The following IPO4 variants were observed in gnomAD, a reference collection of about 807,000 sequenced individuals.
IPO4 encodes the protein importin 4.
A neutral mutation model predicts 133.5 loss-of-function variants in IPO4; 91 were observed. The observed-to-expected ratio is 0.68, with a 90% CI of 0.58 to 0.81. IPO4 has a LOEUF of 0.81. IPO4 is among the 30% of genes least tolerant of loss of function. The pLI is 0.00. For missense variants in IPO4, 1,279 were observed against 1,386.2 expected, an observed-to-expected ratio of 0.92 and a Z score of 1.23; for synonymous variants, 607 against 581.6, an observed-to-expected ratio of 1.04 and a Z score of -0.63.
Position 24,182,181 on chromosome 14 carries a change from G to A in IPO4, c.2599-18C>T. 1 of 1,614,122 alleles carries A rather than the reference G, an allele frequency of 6.2e-7. No homozygotes were observed. Among genetic ancestry groups the A allele is most frequent in the Non-Finnish European group, 8.5e-7 (1 of 1,180,002 alleles). On this transcript the variant is annotated intron_variant, in intron 25 of 29. Coordinates refer to ENST00000354464, the MANE Select transcript of IPO4 (RefSeq NM_024658.4). Reference sequence around the variant, plus strand: ...CCCTGTTTCTGATGGGGGAGAACAGGAAGGAGTACAGATCAGCCTGGGCCA... The same window carrying A: ...CCCTGTTTCTGATGGGGGAGAACAGAAAGGAGTACAGATCAGCCTGGGCCA...
rs770983034 is a variant in IPO4, at chr14:24,183,347, G to A, written c.2130C>T (p.His710=). The change falls in exon 22 of 30, where the codon CAC becomes CAT. Residue 710 remains histidine (H), a synonymous_variant. Transcript: ENST00000354464. ...CATGGGCTGCCTTCCGCACATTCAGGTGAGGGCACTGCAGGATGAGGAGGG... is the reference window on the plus strand; with the variant it reads ...CATGGGCTGCCTTCCGCACATTCAGATGAGGGCACTGCAGGATGAGGAGGG... ...EEVFKLLECP[H]LNVRKAAHEA... 2.5e-6 allele frequency: 4 copies of A among 1,609,956 alleles called. No homozygotes were observed. Among genetic ancestry groups the A allele is most frequent in the Non-Finnish European group, 3.4e-6 (4 of 1,177,954 alleles).
chr14:24,186,077 G>A, intron 11 of IPO4, 52 bp downstream of exon 11: 2 of 1,607,048 alleles, frequency 1.2e-6, no homozygotes, highest in Non-Finnish European at 8.5e-7. Flanking sequence ...GGCCTCAGGG[G>A]GACTAGGCAC....
At position 24,185,989 on chromosome 14, in the gene IPO4, C is replaced by T. The variant is rs370952382; in HGVS notation, c.1060-19G>A. 1.7e-5 allele frequency: 28 copies of T among 1,607,716 alleles called. No homozygotes were observed. The highest frequency in any genetic ancestry group is 1.7e-4 in the Middle Eastern group (1 of 6,014). Reference sequence around the variant, plus strand: ...TGGGCATCTAGGGAAGCATGTGGCACGCTTCTGAAACCCCAGCAAGAGCCT... The same window carrying T: ...TGGGCATCTAGGGAAGCATGTGGCATGCTTCTGAAACCCCAGCAAGAGCCT... On this transcript the variant is annotated intron_variant, in intron 11 of 29. Coordinates refer to ENST00000354464, the MANE Select transcript of IPO4 (RefSeq NM_024658.4).
At position 24,181,845 on chromosome 14, in the gene IPO4, T is replaced by G. The variant is rs769189381; in HGVS notation, c.2808-2A>C. 6.3e-7 allele frequency: 1 copy of G among 1,597,368 alleles called. No individual in the cohort carries two copies. Among genetic ancestry groups the G allele is most frequent in the Non-Finnish European group, 8.5e-7 (1 of 1,169,840 alleles). ...AGCCCCAGCAGCTTGGGGAAGTGTCTGGTCCACAGTCAAGGAATGGCCACA... is the reference window on the plus strand; with the variant it reads ...AGCCCCAGCAGCTTGGGGAAGTGTCGGGTCCACAGTCAAGGAATGGCCACA... On this transcript the variant is annotated splice_acceptor_variant, in intron 26 of 29. Coordinates refer to ENST00000354464, the MANE Select transcript of IPO4 (RefSeq NM_024658.4). LOFTEE classifies it high-confidence loss of function.
At position 24,186,917 on chromosome 14, in the gene IPO4, G is replaced by A; in HGVS notation, c.717C>T (p.Ile239=). ...DELLESEVPV[I]TPYLSEVLTF... ...TGAGGACTTCAGAGAGGTAGGGGGT[G>A]ATGACCGGCACCTCTGACTCCAACA... The change falls in exon 8 of 30, where the codon ATC becomes ATT. Residue 239 remains isoleucine, a synonymous_variant. Transcript: ENST00000354464. 6.2e-7 allele frequency: 1 copy of A among 1,614,156 alleles called. No individual in the cohort carries two copies. The highest frequency in any genetic ancestry group is 8.5e-7 in the Non-Finnish European group (1 of 1,180,018).
At position 24,186,290 on chromosome 14, in the gene IPO4, T is replaced by C; in HGVS notation, c.1002A>G (p.Val334=). Residue 334 remains valine (V), a synonymous_variant, in exon 10 of 30, where the codon GTA becomes GTG. Transcript: ENST00000354464. The stretch of plus-strand genomic sequence containing the variant: ...TCTGTCCTGCCCCACATCTCACTTG[T>C]ACAGCGAAATGCTTGGGAGTCTCCC... The part of the protein sequence containing the change: ...LMGETPKHFA[V]QVVDMLALHL... 6.2e-7 allele frequency: 1 copy of C among 1,605,936 alleles called. No homozygotes were observed. The highest frequency in any genetic ancestry group is 8.5e-7 in the Non-Finnish European group (1 of 1,174,862).
In IPO4 at chr14:24,187,385, G is replaced by A. The variant is rs369315150; in HGVS notation, c.588+15C>T. 19 of 1,611,878 alleles carry A rather than the reference G, an allele frequency of 1.2e-5. No homozygotes were observed. Among genetic ancestry groups the A allele is most frequent in the African/African-American group, 1.1e-4 (8 of 74,838 alleles). The stretch of plus-strand genomic sequence containing the variant: ...GAGGAAAGGGAGTCAAAGATAACGA[G>A]GGCCCACATCTCACCACATCTTCAG... On this transcript the variant is annotated intron_variant, in intron 6 of 29. Coordinates refer to ENST00000354464, the MANE Select transcript of IPO4 (RefSeq NM_024658.4).
intron 25 of IPO4, 40 bp downstream of exon 25, chr14:24,182,238 C>A: frequency 1.9e-6 from 3 of 1,613,862 alleles, no homozygotes; most frequent in Non-Finnish European, 2.5e-6. Context: ...ACCGGGTGCA[C>A]GAGGGGACTA....
At position 24,185,279 on chromosome 14, in the gene IPO4, G is replaced by A. The variant is rs750348071; in HGVS notation, c.1312C>T (p.Pro438Ser). The A allele has an allele frequency of 1.2e-6, 2 of 1,614,156 alleles. No individual in the cohort carries two copies. Among genetic ancestry groups the A allele is most frequent in the Non-Finnish European group, 1.7e-6 (2 of 1,180,010 alleles). Residue 438 changes from proline to serine, a missense_variant, in exon 14 of 30, where the codon CCA becomes TCA. By Grantham distance (74) the Pro-to-Ser change is moderately conservative. Around this residue, in one of 3 missense-constraint regions of IPO4, gnomAD observed 695 missense variants for 704.1 expected, o/e 0.99. Transcript: ENST00000354464. ...GACTTCAAGTAGGCGAGGAGCAGTG[G>A]CATTACCTCCCTTGAATAGCTGCTG... ...HISSYSREVM[P>S]LLLAYLKSVP...
chr14:24,184,854 C>T lies in IPO4; in HGVS notation c.1522+13G>A, dbSNP rs2039196582. On this transcript the variant is annotated intron_variant, in intron 15 of 29. Transcript: ENST00000354464. ...GTGAACCCCACATCCCTGCCTCCTG[C>T]CTCTCTCCTCACCAATGGCTCCCAG... 1.2e-6 allele frequency: 2 copies of T among 1,612,218 alleles called. No homozygotes were observed. The highest frequency in any genetic ancestry group is 2.2e-5 in the East Asian group (1 of 44,874).
In IPO4 at chr14:24,184,635, GA is replaced by G. The variant is rs563143824; in HGVS notation, c.1636+14del. 4.9e-5 allele frequency: 76 copies of G among 1,562,588 alleles called. No individual in the cohort carries two copies. The East Asian group carries it at 1.7e-3, about 34-fold the overall frequency. On this transcript the variant is annotated intron_variant, in intron 16 of 29. Coordinates refer to ENST00000354464, the MANE Select transcript of IPO4 (RefSeq NM_024658.4). Reference sequence around the variant, plus strand: ...TGCTGGCACTGGGAGCCCCACCTGGGAACCTCTCACTCACCCAGGCTCTGGA... The same window carrying G: ...TGCTGGCACTGGGAGCCCCACCTGGGACCTCTCACTCACCCAGGCTCTGGA...
chr14:24,181,661 C>T (rs1284103210), intron 27 of IPO4, 44 bp from the exon 28 acceptor site: 1 of 1,613,112 alleles, frequency 6.2e-7, no homozygotes, highest in African/African-American at 1.3e-5. Flanking sequence ...TGCCCTCCAC[C>T]ACCCTCCCTC....
rs2039166368 is a variant in IPO4, at chr14:24,183,129, C to A, written c.2268G>T (p.Met756Ile). The part of the protein sequence containing the change: ...AALARVVPSY[M>I]QAVNRERERQ... ...GTTCCCGCTCCCTGTTCACTGCCTG[C>A]ATGTAGGATGGCACGACTCGGGCCA... is the stretch of plus-strand genomic sequence containing the variant. The change falls in exon 23 of 30, where the codon ATG becomes ATT. Residue 756 changes from methionine to isoleucine, a missense_variant. Transcript: ENST00000354464. 6.2e-7 allele frequency: 1 copy of A among 1,613,712 alleles called. No homozygotes were observed. Among genetic ancestry groups the A allele is most frequent in the Non-Finnish European group, 8.5e-7 (1 of 1,179,950 alleles).
intron 26 of IPO4, 33 bp from the exon 27 acceptor site, chr14:24,181,876 A>G (rs766469540): frequency 5.0e-6 from 8 of 1,603,528 alleles, no homozygotes; most frequent in Non-Finnish European, 6.8e-6. Context: ...CCACACGCTC[A>G]GGTAGACCTT....
Position 24,185,381 on chromosome 14 carries a change from A to C in IPO4, c.1279-69T>G, listed in dbSNP as rs2025257. The C allele has an allele frequency of 0.011, 17,228 of 1,612,408 alleles. 838 individuals carry two copies. The African/African-American group carries it at 0.13, about 13-fold the overall frequency. ...GGGCACACACAAGAGTGCTGATGGC[A>C]GCAGGGATGCTTGAAGAGATGAAAG... On this transcript the variant is annotated intron_variant, in intron 13 of 29. Coordinates refer to ENST00000354464, the MANE Select transcript of IPO4 (RefSeq NM_024658.4).
Position 24,183,489 on chromosome 14 carries a change from T to C in IPO4, c.2088A>G (p.Glu696=). The change falls in exon 21 of 30, where the codon GAA becomes GAG. Residue 696 remains glutamate, a synonymous_variant. Transcript: ENST00000354464. Reference sequence around the variant, plus strand: ...GTTTAAATACTTCTTCAAAGACACTTTCCATGTATGGAAGGAAGGCCACAC... The same window carrying C: ...GTTTAAATACTTCTTCAAAGACACTCTCCATGTATGGAAGGAAGGCCACAC... ...NTSVAFLPYM[E]SVFEEVFKLL... 1 of 1,613,736 alleles carries C rather than the reference T, an allele frequency of 6.2e-7. No homozygotes were observed. Among genetic ancestry groups the C allele is most frequent in the Non-Finnish European group, 8.5e-7 (1 of 1,179,868 alleles).
intron 28 of IPO4, 146 bp downstream of exon 28, chr14:24,181,367 A>T (rs1431012651): frequency 1.5e-6 from 1 of 657,476 alleles, no homozygotes; most frequent in Non-Finnish European, 2.7e-6. Flanking sequence ...GAAATGGTGC[A>T]GGGAGTACCA....
Position 24,180,450 on chromosome 14 carries a change from G to C in IPO4, c.3238C>G (p.Leu1080Val). 6.2e-7 allele frequency: 1 copy of C among 1,610,506 alleles called. No homozygotes were observed. Among genetic ancestry groups the C allele is most frequent in the Non-Finnish European group, 8.5e-7 (1 of 1,177,606 alleles). The change falls in exon 30 of 30, where the codon CTC becomes GTC. Residue 1080 changes from leucine to valine, a missense_variant. Physicochemically the swap from Leu to Val is conservative, Grantham distance 32. This residue lies in a region of IPO4 where 575 missense variants were observed against 653.4 expected (regional missense o/e 0.88). Coordinates refer to ENST00000354464, the MANE Select transcript of IPO4 (RefSeq NM_024658.4). ...KAQELQAVLG[L>V]S Reference sequence around the variant, plus strand: ...TGGCTGCAGCCTGCAGTCTAGGAGAGGCCCAGTACAGCCTGGAGCTCCTGA... The same window carrying C: ...TGGCTGCAGCCTGCAGTCTAGGAGACGCCCAGTACAGCCTGGAGCTCCTGA...
chr14:24,183,965 A>G (rs2039180271), intron 18 of IPO4, 33 bp downstream of exon 18: 16 of 1,609,586 alleles, frequency 9.9e-6, no homozygotes, highest in African/African-American at 1.3e-5. Context: ...ATTGCAGGGC[A>G]GGCCTGGCCC....
Sources: allele counts gnomAD v4.1 joint callset, GRCh38; gene constraint gnomAD v4.1.1; regional missense constraint gnomAD v4.1.1; transcripts MANE v1.5; gene names NCBI Gene and HGNC (gene_info 2026-07-23, HGNC 2026-07-21).